The following COPG2 variants were observed in gnomAD, a reference collection of about 807,000 sequenced individuals.
COPG2 encodes coatomer subunit gamma-2.
Under a neutral mutation model 46.3 loss-of-function variants are expected in COPG2, and 37 were observed. That is an observed-to-expected ratio of 0.80 (90% CI 0.61 to 1.05). The LOEUF is 1.05. Ranked by LOEUF, COPG2 falls within the 50% of genes least tolerant of loss-of-function variation. The pLI is 0.00. For missense variants in COPG2, 427 were observed against 387.8 expected, an observed-to-expected ratio of 1.10 and a Z score of -0.85; for synonymous variants, 159 against 129.7, an observed-to-expected ratio of 1.23 and a Z score of -1.53.
At chr7:130,648,855 G>T (rs1795673828) in intron 5 of COPG2, among the ~76,000 whole-genome samples, 1 of 152,076 alleles carries the variant, frequency 6.6e-6, no homozygotes, top group Non-Finnish European at 1.5e-5. Context: ...CTTGTTTCCT[G>T]CCTATAGAAT....
intron 20 of COPG2, among the ~76,000 whole-genome samples, chr7:130,515,751 T>A (rs1799673346): frequency 6.6e-6 from 1 of 151,910 alleles, no homozygotes; most frequent in African/African-American, 2.4e-5. Flanking sequence ...AGGGAAGGGA[T>A]AAATGAATGA....
chr7:130,608,313 C>T, intron 9 of COPG2: 1 of 333,542 alleles, frequency 3.0e-6, no homozygotes, highest in Non-Finnish European at 5.8e-6. Context: ...CCATAATTTG[C>T]TGCTGGTTTT....
At chr7:130,531,558 G>T (rs1799825230) in intron 20 of COPG2, among the ~76,000 whole-genome samples, 1 of 152,068 alleles carries the variant, frequency 6.6e-6, no homozygotes, top group Non-Finnish European at 1.5e-5. Context: ...CACAAAGGGT[G>T]GGGTGGGAGG....
chr7:130,526,248 A>C (rs1285309823), intron 20 of COPG2, among the ~76,000 whole-genome samples: 3 of 152,256 alleles, frequency 2.0e-5, no homozygotes, highest in African/African-American at 4.8e-5. Flanking sequence ...ACAGTTCTTG[A>C]AGAGAAGGTG....
chr7:130,644,249 A>G (rs1224495618), intron 5 of COPG2, among the ~76,000 whole-genome samples: 1 of 152,214 alleles, frequency 6.6e-6, no homozygotes, highest in African/African-American at 2.4e-5. Flanking sequence ...CTTTTAGGAT[A>G]AGTTCTCTTT....
intron 4 of COPG2, among the ~76,000 whole-genome samples, chr7:130,655,691 C>A (rs1373781738): frequency 2.6e-5 from 4 of 152,140 alleles, no homozygotes; most frequent in African/African-American, 9.7e-5. Context: ...GAGAACTAGG[C>A]CTGTAATCTG....
chr7:130,548,661 G>T (rs1157594426), intron 18 of COPG2, 119 bp from the exon 19 acceptor site: 1 of 386,056 alleles, frequency 2.6e-6, no homozygotes, highest in Admixed American at 4.5e-5. Context: ...CCAGCACTTT[G>T]GGAGGCCGAG....
chr7:130,638,684 T>G (rs1403111977), intron 5 of COPG2, among the ~76,000 whole-genome samples: 1 of 151,978 alleles, frequency 6.6e-6, no homozygotes, highest in Non-Finnish European at 1.5e-5. Context: ...TGGGATCCAC[T>G]GAGCTAGACC....
chr7:130,577,778 A>C (rs1457821794), intron 9 of COPG2, among the ~76,000 whole-genome samples: 116 of 151,092 alleles, frequency 7.7e-4, no homozygotes, highest in East Asian at 1.6e-3. Flanking sequence ...AAAAAAAAAA[A>C]AAAAAAAAAA....
At chr7:130,623,730 G>A (rs562026882) in intron 5 of COPG2, among the ~76,000 whole-genome samples, 3 of 152,144 alleles carry the variant, frequency 2.0e-5, no homozygotes, top group South Asian at 2.1e-4. Context: ...TGCATGCTAC[G>A]GCCCCAGCTA....
At position 130,636,876 on chromosome 7, in the gene COPG2, A is replaced by G. The variant is rs746973590; in HGVS notation, c.323+15993T>C. Among the ~76,000 whole-genome samples, 17 of 151,900 alleles carry G rather than the reference A, an allele frequency of 1.1e-4. No individual in the cohort carries two copies. The East Asian group carries it at 1.2e-3, about 10-fold the overall frequency. On this transcript the variant is annotated intron_variant, in intron 5 of 23. Transcript: ENST00000425248. ...TGGCTGACACTTGTTTTTCCTTTCC[A>G]TATTTAGTGCTCCTTTCAGGAGCTC...
chr7:130,510,268 T>C (rs1222577139), intron 20 of COPG2: 4 of 518,298 alleles, frequency 7.7e-6, no homozygotes, highest in South Asian at 1.4e-5. Context: ...AGAATGAACC[T>C]ATCAAGCCTG....
intron 4 of COPG2, among the ~76,000 whole-genome samples, chr7:130,659,354 C>CAAAAAAAAAAAACA (rs1554460331): frequency 1.5e-5 from 1 of 65,466 alleles, no homozygotes; most frequent in Non-Finnish European, 2.8e-5. Flanking sequence ...GACTCCGTCT[C>CAAAAAAAAAAAACA]AAAAAAAAAA....
intron 20 of COPG2, among the ~76,000 whole-genome samples, chr7:130,536,398 G>T (rs1408390599): frequency 6.6e-6 from 1 of 152,170 alleles, no homozygotes; most frequent in African/African-American, 2.4e-5. Flanking sequence ...CCGAGGGAGG[G>T]CTGGGGACAT....
chr7:130,523,640 T>G (rs1025779498), intron 20 of COPG2, among the ~76,000 whole-genome samples: 7 of 152,124 alleles, frequency 4.6e-5, no homozygotes, highest in Non-Finnish European at 1.0e-4. Flanking sequence ...ACCACGGTGG[T>G]GCAGCTGGGG....
intron 20 of COPG2, among the ~76,000 whole-genome samples, chr7:130,513,702 AT>A (rs1334777770): frequency 6.6e-6 from 1 of 152,134 alleles, no homozygotes; most frequent in African/African-American, 2.4e-5. Context: ...CAGGAACCCT[AT>A]GAAGGTCTGG....
chr7:130,601,866 AG>A (rs1563055796), intron 9 of COPG2, among the ~76,000 whole-genome samples: 1 of 148,232 alleles, frequency 6.7e-6, no homozygotes, highest in Non-Finnish European at 1.5e-5. Context: ...AAGGAAGCAA[AG>A]AAGGAAGGAA....
At chr7:130,563,079 T>C (rs1345766798) in intron 11 of COPG2, among the ~76,000 whole-genome samples, 190 bp downstream of exon 11, 1 of 152,200 alleles carries the variant, frequency 6.6e-6, no homozygotes, top group Non-Finnish European at 1.5e-5. Context: ...AAGTCAGAAA[T>C]GAGTTATAAT....
At chr7:130,557,989 G>A (rs1275602429) in intron 12 of COPG2, among the ~76,000 whole-genome samples, 19 of 151,760 alleles carry the variant, frequency 1.3e-4, no homozygotes, top group African/African-American at 2.9e-4. Flanking sequence ...TCCAGAAACA[G>A]ACTCAAGTAC....
Sources: gnomAD v4.1 joint callset for allele counts (sites outside exome capture counted in the v4.1 genomes callset) on GRCh38, gnomAD v4.1.1 for gene constraint, MANE v1.5 for transcripts, NCBI Gene and HGNC (gene_info 2026-07-23, HGNC 2026-07-21) for gene names.